ARIH2: variants seen among roughly 807,000 people sequenced by gnomAD.
The protein encoded by ARIH2 is ariadne RBR E3 ubiquitin protein ligase 2.
Under a neutral mutation model 79.8 loss-of-function variants are expected in ARIH2, and 12 were observed. The observed-to-expected ratio is 0.15, with a 90% confidence interval of 0.10 to 0.24. The LOEUF (loss-of-function observed/expected upper bound fraction) is 0.24, where lower values mean the gene tolerates loss of function less well. Among genes scored for constraint, ARIH2 ranks in the 10% least tolerant of loss-of-function variants. ARIH2 has a pLI of 1.00. For missense variants in ARIH2, 301 were observed against 618.3 expected (o/e 0.49, Z 5.44); for synonymous variants, 224 against 213.9 (o/e 1.05, Z -0.41).
chr3:48,974,183 C>G (rs921529089), intron 9 of ARIH2, among the ~76,000 whole-genome samples: 12 of 152,294 alleles, frequency 7.9e-5, no homozygotes, highest in Non-Finnish European at 1.8e-4. Flanking sequence ...CAGACCTGCA[C>G]GATACTCATT....
intron 1 of ARIH2, 130 bp downstream of exon 1, chr3:48,919,128 C>T: frequency 7.7e-7 from 1 of 1,295,194 alleles, no homozygotes; most frequent in Non-Finnish European, 9.7e-7. Context: ...CGCTCCCCGT[C>T]GCCGGCACGT....
chr3:48,934,459 C>A (rs2086838731), intron 3 of ARIH2: 1 of 985,148 alleles, frequency 1.0e-6, no homozygotes, highest in Non-Finnish European at 1.2e-6. Flanking sequence ...TGCTACTACT[C>A]ATGGGAAAGT....
intron 1 of ARIH2, chr3:48,919,348 G>T: frequency 3.1e-6 from 2 of 640,376 alleles, no homozygotes; most frequent in Non-Finnish European, 2.3e-6. Context: ...GGGAGCTCTC[G>T]CAGCGCTGCC....
intron 2 of ARIH2, among the ~76,000 whole-genome samples, chr3:48,926,476 G>A (rs1260547393): frequency 6.6e-6 from 1 of 151,610 alleles, no homozygotes; most frequent in Non-Finnish European, 1.5e-5. Context: ...CACCATATTA[G>A]CCAGGCTGGT....
intron 3 of ARIH2, among the ~76,000 whole-genome samples, chr3:48,957,926 A>G (rs1379730336): frequency 1.3e-5 from 2 of 152,046 alleles, no homozygotes; most frequent in Non-Finnish European, 2.9e-5. Context: ...ATATTAGCCA[A>G]ACAGGTCTTA....
intron 3 of ARIH2, among the ~76,000 whole-genome samples, chr3:48,936,216 G>A (rs1279503667): frequency 6.8e-6 from 1 of 146,792 alleles, no homozygotes; most frequent in Non-Finnish European, 1.5e-5. Context: ...TTTTTTCTTT[G>A]CCCTTGCTGC....
At chr3:48,962,832 C>T (rs1201204403) in intron 4 of ARIH2, among the ~76,000 whole-genome samples, 1 of 152,124 alleles carries the variant, frequency 6.6e-6, no homozygotes, top group Admixed American at 6.6e-5. Context: ...CTCTTTCACA[C>T]TGCAGTGAAT....
chr3:48,951,391 G>A lies in ARIH2; in HGVS notation c.256-10221G>A, dbSNP rs150248556. ...AAATTTTTAAATTAAGGATTTTTGT[G>A]TCTATGTCTGTGGAATATTGGGGTT... On this transcript the variant is annotated intron_variant, in intron 3 of 15. Coordinates refer to ENST00000356401, the MANE Select transcript of ARIH2 (RefSeq NM_006321.4). 7.9e-5 allele frequency among the ~76,000 whole-genome samples: 12 copies of A among 152,006 alleles called. 1 individual carries two copies. The East Asian group carries it at 2.1e-3, about 27-fold the overall frequency.
chr3:48,967,898 C>T (rs2091906246), intron 6 of ARIH2, among the ~76,000 whole-genome samples: 1 of 152,176 alleles, frequency 6.6e-6, no homozygotes, highest in Non-Finnish European at 1.5e-5. Flanking sequence ...TAATTTCTCT[C>T]TTCTCTTTGA....
chr3:48,962,938 G>A (rs1053248353), intron 4 of ARIH2, among the ~76,000 whole-genome samples: 2 of 151,908 alleles, frequency 1.3e-5, no homozygotes, highest in African/African-American at 4.8e-5. Context: ...GCACAACCTT[G>A]GCTCACTGCA....
chr3:48,977,276 G>A lies in ARIH2; in HGVS notation c.962-2206G>A, dbSNP rs977530746. Among the ~76,000 whole-genome samples, 15 of 152,188 alleles carry A rather than the reference G, an allele frequency of 9.9e-5. No individual in the cohort carries two copies. In the South Asian group the frequency reaches 1.2e-3, roughly 13 times the overall value. On this transcript the variant is annotated intron_variant, in intron 11 of 15. Transcript: ENST00000356401. Reference sequence around the variant, plus strand: ...TTTTATACCACCTATATGGGCAACCGTAGGGAATGTGGTTTTTTGTTTTGT... The same window carrying A: ...TTTTATACCACCTATATGGGCAACCATAGGGAATGTGGTTTTTTGTTTTGT...
intron 2 of ARIH2, among the ~76,000 whole-genome samples, chr3:48,925,584 G>GGTTT (rs2085465540): frequency 6.6e-6 from 1 of 150,964 alleles, no homozygotes. Flanking sequence ...ATGGTTGGTT[G>GGTTT]TTTTTTTTCA....
At position 48,940,808 on chromosome 3, in the gene ARIH2, A is replaced by ATAT. The variant is rs1553702241; in HGVS notation, c.255+12995_255+12996insTAT. Among the ~76,000 whole-genome samples, 878 of 98,032 alleles carry ATAT rather than the reference A, an allele frequency of 9.0e-3. 4 individuals are homozygous for ATAT. The highest frequency in any genetic ancestry group is 0.013 in the Middle Eastern group (2 of 156). The allele number at this position is 98,032 out of a possible 152,430, so 64.3% of individuals were successfully genotyped here. ...AGACTCCGTCTCAAAAAAAAAAAAA[A>ATAT]ATATATATATATATATATATAGCCA... On this transcript the variant is annotated intron_variant, in intron 3 of 15. Coordinates refer to ENST00000356401, the MANE Select transcript of ARIH2 (RefSeq NM_006321.4).
chr3:48,919,644 C>T (rs1047281340), intron 1 of ARIH2, among the ~76,000 whole-genome samples: 1 of 152,214 alleles, frequency 6.6e-6, no homozygotes, highest in African/African-American at 2.4e-5. Context: ...GACCTGTAGG[C>T]TAGTGCACCT....
chr3:48,955,864 C>T (rs1453689876), intron 3 of ARIH2, among the ~76,000 whole-genome samples: 1 of 152,098 alleles, frequency 6.6e-6, no homozygotes, highest in Non-Finnish European at 1.5e-5. Flanking sequence ...GAGAAGGTAG[C>T]CTCCTTGCTG....
intron 1 of ARIH2, chr3:48,919,480 C>A (rs763766132): frequency 2.5e-4 from 61 of 243,664 alleles, no homozygotes; most frequent in African/African-American, 1.3e-3. Flanking sequence ...GCCGCCGCCT[C>A]GCCAGAAGCT....
chr3:48,967,783 G>T (rs1432902107), intron 6 of ARIH2, among the ~76,000 whole-genome samples: 1 of 152,198 alleles, frequency 6.6e-6, no homozygotes, highest in Non-Finnish European at 1.5e-5. Flanking sequence ...TCAATTGTTA[G>T]TCAAGAACCT....
intron 4 of ARIH2, among the ~76,000 whole-genome samples, chr3:48,964,619 A>G (rs1350197869): frequency 6.6e-6 from 1 of 152,064 alleles, no homozygotes; most frequent in Non-Finnish European, 1.5e-5. Context: ...CTGGCCTAGA[A>G]GTTTATATAT....
Position 48,931,097 on chromosome 3 carries a change from A to T in ARIH2, c.255+3284A>T, listed in dbSNP as rs568879453. On this transcript the variant is annotated intron_variant, in intron 3 of 15. Coordinates refer to ENST00000356401, the MANE Select transcript of ARIH2 (RefSeq NM_006321.4). ...TTTAAAAATTATTATTTAAAAAAAA[A>T]TTTTTTTAGAGATGAGCTCTTGCCC... Among the ~76,000 whole-genome samples the T allele has an allele frequency of 4.1e-4, 62 of 152,094 alleles. No individual in the cohort carries two copies. In the Middle Eastern group the frequency reaches 0.017, roughly 42 times the overall value.
Sources: gnomAD v4.1 joint callset for allele counts (sites outside exome capture counted in the v4.1 genomes callset) on GRCh38, gnomAD v4.1.1 for gene constraint, MANE v1.5 for transcripts, NCBI Gene and HGNC (gene_info 2026-07-23, HGNC 2026-07-21) for gene names.